ADAMTSL1: variants seen among roughly 807,000 people sequenced by gnomAD.
ADAMTSL1 encodes ADAMTS-like protein 1.
Under a neutral mutation model 201.8 loss-of-function variants are expected in ADAMTSL1, and 126 were observed. The observed-to-expected ratio is 0.62, with a 90% CI of 0.54 to 0.72. The LOEUF is 0.72. Among genes scored for constraint, ADAMTSL1 ranks in the 30% least tolerant of loss-of-function variants. ADAMTSL1 has a pLI of 0.00. For synonymous variants in ADAMTSL1, 1,121 were observed against 903.4 expected (o/e 1.24, Z -4.32); for missense variants, 2,679 against 2,277.8 (o/e 1.18, Z -3.59).
chr9:18,882,092 A>G (rs1267458142), intron 23 of ADAMTSL1, among the ~76,000 whole-genome samples: 1 of 152,200 alleles, frequency 6.6e-6, no homozygotes, highest in Non-Finnish European at 1.5e-5. Context: ...TCTAGCTCCC[A>G]GATAAGTTCT....
rs528948454 is a variant in ADAMTSL1, at chr9:18,197,965, C to T, written c.207+33984C>T. Among the ~76,000 whole-genome samples the T allele has an allele frequency of 4.0e-3, 615 of 152,134 alleles. 2 individuals are homozygous for T. Among genetic ancestry groups the T allele is most frequent in the Admixed American group, 5.3e-3 (81 of 15,280 alleles). On this transcript the variant is annotated intron_variant, in intron 2 of 29. Transcript: ENST00000680146. ...CAGAAATAATGCCGCATATCTACAA[C>T]GATCTGATCTTTGACAAACCTGAGA...
chr9:18,501,972 G>T (rs1822867347), intron 1 of ADAMTSL1, among the ~76,000 whole-genome samples: 1 of 152,146 alleles, frequency 6.6e-6, no homozygotes, highest in Non-Finnish European at 1.5e-5. Context: ...CAAGGCACAT[G>T]AAAAATATCA....
intron 1 of ADAMTSL1, among the ~76,000 whole-genome samples, chr9:18,094,248 C>T (rs182711725): frequency 1.6e-4 from 25 of 152,270 alleles, no homozygotes; most frequent in Middle Eastern, 3.4e-3. Context: ...GACTAAGACC[C>T]AGGGAGAAGA....
intron 1 of ADAMTSL1, among the ~76,000 whole-genome samples, chr9:18,075,468 C>T (rs138054330): frequency 1.7e-3 from 249 of 143,416 alleles, no homozygotes; most frequent in African/African-American, 5.8e-3. Context: ...GTGTAGTTTG[C>T]GGACTATGTA....
At chr9:18,391,988 C>T (rs571470526) in intron 2 of ADAMTSL1, among the ~76,000 whole-genome samples, 2 of 151,836 alleles carry the variant, frequency 1.3e-5, no homozygotes, top group Non-Finnish European at 2.9e-5. Context: ...CCATGCCCAG[C>T]GAATTTTTGT....
In ADAMTSL1 at chr9:18,616,182, C is replaced by T. The variant is rs1221655901; in HGVS notation, c.475-6061C>T. On this transcript the variant is annotated intron_variant, in intron 4 of 28. Coordinates refer to ENST00000380548, the MANE Select transcript of ADAMTSL1 (RefSeq NM_001040272.6). ...CTGGGGCTACAGGTGTTTGCCACCA[C>T]ACTGGGCTAATTTTATATTTTTAGT... Among the ~76,000 whole-genome samples, 5 of 152,292 alleles carry T rather than the reference C, an allele frequency of 3.3e-5. No homozygotes were observed. In the East Asian group the frequency reaches 5.8e-4, roughly 18 times the overall value.
intron 1 of ADAMTSL1, among the ~76,000 whole-genome samples, chr9:18,053,851 C>T (rs1822051906): frequency 6.6e-6 from 1 of 152,228 alleles, no homozygotes; most frequent in South Asian, 2.1e-4. Flanking sequence ...AAAACCCTAA[C>T]AGATATCAGG....
intron 23 of ADAMTSL1, among the ~76,000 whole-genome samples, chr9:18,863,077 G>A (rs917462506): frequency 6.6e-6 from 1 of 152,154 alleles, no homozygotes; most frequent in Non-Finnish European, 1.5e-5. Context: ...CAATCCTGGA[G>A]AAGCATGCTG....
rs557847954 is a variant in ADAMTSL1, at chr9:18,345,199, G to A, written c.208-159630G>A. ...CATATTGGCCACGGCCTAAATAAAG[G>A]AATATACAAGTTAACCCTTTTCCTG... is the stretch of plus-strand genomic sequence containing the variant. On this transcript the variant is annotated intron_variant, in intron 2 of 29. Coordinates refer to the ADAMTSL1 transcript ENST00000680146. Among the ~76,000 whole-genome samples the A allele has an allele frequency of 3.3e-5, 5 of 151,938 alleles. No homozygotes were observed. The South Asian group carries it at 8.3e-4, about 25-fold the overall frequency.
intron 1 of ADAMTSL1, among the ~76,000 whole-genome samples, chr9:17,927,375 TACATGCACACATATAC>T (rs1292631005): frequency 6.6e-6 from 1 of 152,154 alleles, no homozygotes; most frequent in Non-Finnish European, 1.5e-5. Context: ...TATGTGCATA[TACATGCACACATATAC>T]GTACATATAT....
chr9:18,535,832 G>A (rs1819736682), intron 3 of ADAMTSL1, among the ~76,000 whole-genome samples: 1 of 152,154 alleles, frequency 6.6e-6, no homozygotes, highest in Non-Finnish European at 1.5e-5. Context: ...TTACTATCAT[G>A]AGAATAGCAT....
At chr9:18,591,041 C>A (rs1286047220) in intron 4 of ADAMTSL1, among the ~76,000 whole-genome samples, 1 of 152,100 alleles carries the variant, frequency 6.6e-6, no homozygotes, top group Non-Finnish European at 1.5e-5. Context: ...GTCTGTTACA[C>A]CATTTGGTCT....
chr9:18,225,365 G>A (rs1239922210), intron 2 of ADAMTSL1, among the ~76,000 whole-genome samples: 1 of 152,016 alleles, frequency 6.6e-6, no homozygotes, highest in South Asian at 2.1e-4. Context: ...GATCCCACTG[G>A]GTTATGATTT....
chr9:18,014,540 C>A (rs545073766), intron 1 of ADAMTSL1, among the ~76,000 whole-genome samples: 13 of 152,082 alleles, frequency 8.5e-5, no homozygotes, highest in Non-Finnish European at 1.6e-4. Context: ...ACACCTTATG[C>A]ATTCAAAACT....
At chr9:18,351,906 G>T (rs952411155) in intron 2 of ADAMTSL1, among the ~76,000 whole-genome samples, 28 of 152,284 alleles carry the variant, frequency 1.8e-4, no homozygotes, top group African/African-American at 6.3e-4. Flanking sequence ...TCACTTGGTA[G>T]TTAGGGGGTA....
At chr9:18,028,501 G>T (rs67734151) in intron 1 of ADAMTSL1, among the ~76,000 whole-genome samples, 11,204 of 151,946 alleles carry the variant, frequency 0.074, 608 homozygotes, top group African/African-American at 0.15. Context: ...AGCCTAATGG[G>T]GTTCTCTTCT....
At chr9:17,914,381 A>G (rs1302252452) in intron 1 of ADAMTSL1, among the ~76,000 whole-genome samples, 3 of 152,214 alleles carry the variant, frequency 2.0e-5, no homozygotes, top group Non-Finnish European at 4.4e-5. Context: ...GTAAATCAAT[A>G]AATGTGATCC....
chr9:18,634,621 T>C (rs1340497238), intron 5 of ADAMTSL1, among the ~76,000 whole-genome samples: 1 of 151,722 alleles, frequency 6.6e-6, no homozygotes, highest in Non-Finnish European at 1.5e-5. Flanking sequence ...GAGCGGATCA[T>C]GAGGTCAGGA....
intron 4 of ADAMTSL1, among the ~76,000 whole-genome samples, chr9:18,620,510 A>G (rs1421622319): frequency 6.6e-6 from 1 of 152,252 alleles, no homozygotes; most frequent in East Asian, 1.9e-4. Flanking sequence ...TACTCAGAAT[A>G]TAACAGTGAA....
Sources: gnomAD v4.1 joint callset for allele counts (sites outside exome capture counted in the v4.1 genomes callset) on GRCh38, gnomAD v4.1.1 for gene constraint, MANE v1.5 for transcripts, NCBI Gene and HGNC (gene_info 2026-07-23, HGNC 2026-07-21) for gene names.